The following IGSF10 variants were observed in gnomAD, a reference collection of about 807,000 sequenced individuals.
The protein encoded by IGSF10 is immunoglobulin superfamily member 10, also known as calvaria mechanical force protein 608.
IGSF10 carries 126 observed loss-of-function variants against 128.2 expected under a neutral mutation model. That is an observed-to-expected ratio of 0.98 (90% confidence interval 0.85 to 1.14). The LOEUF (loss-of-function observed/expected upper bound fraction) is 1.14. Ranked by LOEUF, IGSF10 falls within the 50% of genes most tolerant of loss-of-function variation. IGSF10 has a pLI of 0.00. For synonymous variants in IGSF10, 1,185 were observed against 1,146.2 expected (o/e 1.03, Z -0.68); for missense variants, 3,295 against 3,149.8 (o/e 1.05, Z -1.10).
At chr3:151,476,133 C>A in the IGSF10 span, 9 of 152,108 alleles carry the variant, frequency 5.9e-5, no homozygotes, top group African/African-American at 2.2e-4. Flanking sequence ...CAAAATAATT[C>A]TCTGTGATAT....
chr3:151,445,612 T>C lies in IGSF10; in HGVS notation c.4369A>G (p.Ile1457Val). The part of the protein sequence containing the change: ...HQSTTTRKAI[I>V]RHSTIPPFLS... ...AATGGTGGTATGGTTGAGTGTCTAATGATTGCTTTCCTAGTTGTGGTACTC... is the reference window on the plus strand; with the variant it reads ...AATGGTGGTATGGTTGAGTGTCTAACGATTGCTTTCCTAGTTGTGGTACTC... Residue 1457 changes from isoleucine (I) to valine (V), a missense_variant, in exon 6 of 8, where the codon ATT becomes GTT. Transcript: ENST00000282466. 6.2e-7 allele frequency: 1 copy of C among 1,614,230 alleles called. No homozygotes were observed. Among genetic ancestry groups the C allele is most frequent in the South Asian group, 1.1e-5 (1 of 91,092 alleles).
At chr3:151,536,925 T>C in the IGSF10 span, among the ~76,000 whole-genome samples, 1 of 152,218 alleles carries the variant, frequency 6.6e-6, no homozygotes, top group Admixed American at 6.5e-5. Context: ...CCTTGGCTGA[T>C]GGGTATTGAA....
chr3:151,527,738 C>T, the IGSF10 span, among the ~76,000 whole-genome samples: 3 of 151,912 alleles, frequency 2.0e-5, no homozygotes, highest in Admixed American at 2.0e-4. Flanking sequence ...TTATTTGAGC[C>T]CAGGAGTTTG....
chr3:151,485,261 GA>G, the IGSF10 span, among the ~76,000 whole-genome samples: 1 of 152,004 alleles, frequency 6.6e-6, no homozygotes, highest in Non-Finnish European at 1.5e-5. Context: ...AAAAAAGAGT[GA>G]AAAGAAATGA....
chr3:151,601,941 A>G, the IGSF10 span, among the ~76,000 whole-genome samples: 772 of 152,282 alleles, frequency 5.1e-3, 5 homozygotes, highest in Non-Finnish European at 7.6e-3. Context: ...TGTCCTCACA[A>G]GTATGCTTTT....
chr3:151,503,152 C>A, the IGSF10 span, among the ~76,000 whole-genome samples: 3 of 151,934 alleles, frequency 2.0e-5, no homozygotes, highest in African/African-American at 7.3e-5. Context: ...AAGGCAAATC[C>A]TCTCTGGAAG....
At chr3:151,475,532 A>G in the IGSF10 span, among the ~76,000 whole-genome samples, 2 of 152,224 alleles carry the variant, frequency 1.3e-5, no homozygotes, top group African/African-American at 4.8e-5. Context: ...CCTAGCAGTT[A>G]TACTTCAACC....
the IGSF10 span, among the ~76,000 whole-genome samples, chr3:151,604,473 T>C: frequency 6.6e-6 from 1 of 151,974 alleles, no homozygotes; most frequent in East Asian, 1.9e-4. Context: ...TTGATAAGCC[T>C]TTCTACCTTC....
downstream of IGSF10, chr3:151,433,857 T>C (rs937889254): frequency 7.9e-5 from 12 of 152,664 alleles, no homozygotes; most frequent in Admixed American, 2.0e-4. Context: ...TGGTTGTGTA[T>C]TGCATATACT....
chr3:151,457,562 C>T (rs1315893059), intron 3 of IGSF10, among the ~76,000 whole-genome samples: 1 of 152,188 alleles, frequency 6.6e-6, no homozygotes, highest in Non-Finnish European at 1.5e-5. Flanking sequence ...GAAGCCTGGG[C>T]TCTGGAGGCC....
chr3:151,588,553 G>A, the IGSF10 span, among the ~76,000 whole-genome samples: 1 of 152,160 alleles, frequency 6.6e-6, no homozygotes, highest in Non-Finnish European at 1.5e-5. Flanking sequence ...GGGGCATGCA[G>A]TTATGAGCTC....
chr3:151,470,799 G>A, the IGSF10 span, among the ~76,000 whole-genome samples: 1 of 152,128 alleles, frequency 6.6e-6, no homozygotes, highest in African/African-American at 2.4e-5. Context: ...TCTTGTTTTA[G>A]GAAATGAACT....
chr3:151,458,738 T>C (rs374584813), intron 2 of IGSF10, 28 bp from the exon 3 acceptor site: 15 of 1,589,584 alleles, frequency 9.4e-6, no homozygotes, highest in Non-Finnish European at 1.3e-5. Context: ...CTCAGAGTTA[T>C]AAAGAGTGGT....
At chr3:151,522,713 A>G in the IGSF10 span, among the ~76,000 whole-genome samples, 2 of 152,208 alleles carry the variant, frequency 1.3e-5, no homozygotes, top group African/African-American at 4.8e-5. Flanking sequence ...ATCTATGACA[A>G]ACCCACAGTC....
chr3:151,438,161 A>C lies in IGSF10; in HGVS notation c.6400T>G (p.Leu2134Val). ...TLGKDEMKVH[L>V]TVITAAPRIR... ...CGGGGAGCAGCTGTTATAACTGTTA[A>C]GTGGACCTTCATTTCATCTTTCCCT... is the stretch of plus-strand genomic sequence containing the variant. Residue 2134 changes from leucine to valine, a missense_variant, in exon 8 of 8, where the codon TTA (leucine) becomes GTA (valine). Physicochemically the swap from Leu to Val is conservative, Grantham distance 32 (BLOSUM62 1). Coordinates refer to ENST00000282466, the MANE Select transcript of IGSF10 (RefSeq NM_178822.5). The C allele has an allele frequency of 6.2e-7, 1 of 1,614,156 alleles. No individual in the cohort carries two copies. Among genetic ancestry groups the C allele is most frequent in the Non-Finnish European group, 8.5e-7 (1 of 1,180,018 alleles).
the IGSF10 span, among the ~76,000 whole-genome samples, chr3:151,571,936 G>A: frequency 1.3e-5 from 2 of 152,328 alleles, no homozygotes; most frequent in Non-Finnish European, 2.9e-5. Flanking sequence ...ATGAAGGGCT[G>A]TTGAATTTGT....
In IGSF10 at chr3:151,443,535, T is replaced by C; in HGVS notation, c.5412A>G (p.Thr1804=). 6.2e-7 allele frequency: 1 copy of C among 1,614,264 alleles called. No individual in the cohort carries two copies. Among genetic ancestry groups the C allele is most frequent in the Non-Finnish European group, 8.5e-7 (1 of 1,180,050 alleles). The change falls in exon 7 of 8, where the codon ACA becomes ACG. Residue 1804 remains threonine (T), a synonymous_variant. Transcript: ENST00000282466. ...SRQAVVTVDG[T]LVLHNLSIYD... is the part of the protein sequence containing the mutation. ...AAATACTGAGATTGTGGAGGACCAA[T>C]GTTCCGTCAACCGTCACCACAGCCT...
At chr3:151,442,153 AAT>A (rs1257985905) in intron 7 of IGSF10, among the ~76,000 whole-genome samples, 1 of 152,148 alleles carries the variant, frequency 6.6e-6, no homozygotes, top group Non-Finnish European at 1.5e-5. Context: ...GGGGGCCCTG[AAT>A]ATGTTTCACT....
the IGSF10 span, among the ~76,000 whole-genome samples, chr3:151,580,673 G>GT: frequency 6.6e-6 from 1 of 151,828 alleles, no homozygotes; most frequent in Non-Finnish European, 1.5e-5. Flanking sequence ...CAGTTTTAAC[G>GT]TTAAAAAAAA....
Sources: gnomAD v4.1 joint callset for allele counts (sites outside exome capture counted in the v4.1 genomes callset) on GRCh38, gnomAD v4.1.1 for gene constraint, MANE v1.5 for transcripts, NCBI Gene and HGNC (gene_info 2026-07-23, HGNC 2026-07-21) for gene names.